The following PCDH7 variants were observed in gnomAD, a reference collection of about 807,000 sequenced individuals.
The protein encoded by PCDH7 is protocadherin 7.
Under a neutral mutation model 58.9 loss-of-function variants are expected in PCDH7, and 17 were observed. The observed-to-expected ratio is 0.29, with a 90% CI of 0.20 to 0.43. PCDH7 has a LOEUF of 0.43. PCDH7 is among the 20% of genes least tolerant of loss of function. PCDH7 has a pLI of 1.00. For synonymous variants in PCDH7, 664 were observed against 616.4 expected, an observed-to-expected ratio of 1.08 and a Z score of -1.14; for missense variants, 1,274 against 1,441.0, an observed-to-expected ratio of 0.88 and a Z score of 1.88.
At chr4:31,049,582 C>A (rs1280473810) in intron 3 of PCDH7, among the ~76,000 whole-genome samples, 1 of 152,028 alleles carries the variant, frequency 6.6e-6, no homozygotes, top group African/African-American at 2.4e-5. Flanking sequence ...ACACTTGACC[C>A]AAATTAGGTT....
chr4:30,764,805 C>T (rs553748586), intron 1 of PCDH7, among the ~76,000 whole-genome samples: 3 of 152,126 alleles, frequency 2.0e-5, no homozygotes, highest in Non-Finnish European at 4.4e-5. Flanking sequence ...ACTACAACCT[C>T]CCCCTCCCTG....
At chr4:30,766,462 A>G (rs1720763268) in intron 1 of PCDH7, among the ~76,000 whole-genome samples, 2 of 152,132 alleles carry the variant, frequency 1.3e-5, no homozygotes, top group Non-Finnish European at 2.9e-5. Flanking sequence ...GATTTGATCT[A>G]ACAAGACTTG....
At chr4:30,802,549 G>A (rs1725663154) in intron 1 of PCDH7, among the ~76,000 whole-genome samples, 1 of 151,970 alleles carries the variant, frequency 6.6e-6, no homozygotes, top group South Asian at 2.1e-4. Context: ...AAGTCAGATG[G>A]ACAAAAGAAT....
rs1385515326 is a variant in PCDH7, at chr4:30,817,166, T to C, written c.70+92570T>C. ...AAAATGGCACCTGGACTTAGAAACC[T>C]GATTTAAATAGATGCAAGATATTTA... On this transcript the variant is annotated intron_variant, in intron 1 of 3. Transcript: ENST00000509759. 3.3e-5 allele frequency among the ~76,000 whole-genome samples: 5 copies of C among 152,306 alleles called. No homozygotes were observed. The South Asian group carries it at 8.3e-4, about 25-fold the overall frequency.
At chr4:30,982,348 T>G (rs961025505) in intron 3 of PCDH7, among the ~76,000 whole-genome samples, 2 of 152,180 alleles carry the variant, frequency 1.3e-5, no homozygotes, top group Non-Finnish European at 2.9e-5. Flanking sequence ...ACAAGCATTT[T>G]CAGCCAGTTC....
downstream of PCDH7, chr4:31,143,598 A>G (rs1330192686): frequency 6.6e-6 from 1 of 152,294 alleles, no homozygotes; most frequent in African/African-American, 2.4e-5. Context: ...ACATGTATCA[A>G]TTTCACCAGT....
Position 30,722,451 on chromosome 4 carries a change from C to A in PCDH7, c.1029C>A (p.Ile343=), listed in dbSNP as rs748630195. 2.2e-5 allele frequency: 35 copies of A among 1,611,352 alleles called. No individual in the cohort carries two copies. Among genetic ancestry groups the A allele is most frequent in the Admixed American group, 3.3e-5 (2 of 59,834 alleles). ...TGGACGTGGGGGTCAACGGGCAGAT[C>A]GAATACGTGTTCGGGGCGGCCACCG... Residue 343 remains isoleucine (I), a synonymous_variant, in exon 1 of 2, where the codon ATC becomes ATA. Coordinates refer to ENST00000361762, the Ensembl canonical transcript of PCDH7. The surrounding 1 kb of genome is among the most constrained non-coding windows in gnomAD (Gnocchi z 7.6).
intron 3 of PCDH7, among the ~76,000 whole-genome samples, chr4:30,956,835 ATCCTTGGATG>A (rs1747904560): frequency 6.6e-6 from 1 of 152,198 alleles, no homozygotes; most frequent in African/African-American, 2.4e-5. Flanking sequence ...TTTCTTTTGC[ATCCTTGGATG>A]CACTACTTGT....
At chr4:31,002,967 A>G (rs1190899110) in intron 3 of PCDH7, among the ~76,000 whole-genome samples, 1 of 152,238 alleles carries the variant, frequency 6.6e-6, no homozygotes, top group Non-Finnish European at 1.5e-5. Flanking sequence ...TTTAGCTCTG[A>G]GTAGATGACT....
intron 1 of PCDH7, among the ~76,000 whole-genome samples, chr4:30,861,516 T>C (rs996469254): frequency 2.6e-5 from 4 of 152,202 alleles, no homozygotes; most frequent in African/African-American, 7.2e-5. Flanking sequence ...TGTGTATCCC[T>C]TATTTCAACA....
chr4:31,085,584 AGTTAG>A (rs60797322), intron 3 of PCDH7, among the ~76,000 whole-genome samples: 28,170 of 151,964 alleles, frequency 0.19, 3,310 homozygotes, highest in East Asian at 0.58. Context: ...GAGTCAGTTA[AGTTAG>A]ATCTCTTTCA....
At chr4:31,051,834 G>GC (rs66792126) in intron 3 of PCDH7, among the ~76,000 whole-genome samples, 1 of 119,448 alleles carries the variant, frequency 8.4e-6, no homozygotes, top group Admixed American at 7.9e-5. Context: ...GGGTGTGTGT[G>GC]GGGGGCGGGT....
intron 3 of PCDH7, among the ~76,000 whole-genome samples, chr4:31,016,505 C>T (rs1753613863): frequency 6.6e-6 from 1 of 150,888 alleles, no homozygotes; most frequent in Admixed American, 6.6e-5. Flanking sequence ...CATTGAGCAA[C>T]TCCAGGGGGC....
At chr4:30,793,578 C>T (rs917459869) in intron 1 of PCDH7, among the ~76,000 whole-genome samples, 6 of 151,820 alleles carry the variant, frequency 4.0e-5, no homozygotes, top group Non-Finnish European at 7.4e-5. Context: ...TTGTTGATGG[C>T]TGTGTCACAT....
At chr4:31,085,228 G>A (rs560263725) in intron 3 of PCDH7, among the ~76,000 whole-genome samples, 164 of 152,054 alleles carry the variant, frequency 1.1e-3, no homozygotes, top group African/African-American at 3.8e-3. Flanking sequence ...TTCTGGGTGG[G>A]GCCGCAAGAT....
intron 1 of PCDH7, among the ~76,000 whole-genome samples, chr4:30,760,985 G>T (rs1049765953): frequency 2.0e-5 from 3 of 152,172 alleles, no homozygotes; most frequent in Admixed American, 2.0e-4. Flanking sequence ...TGAGACGTCT[G>T]TAAATTCTCC....
chr4:30,944,847 GGTT>G (rs1281479719), intron 2 of PCDH7, among the ~76,000 whole-genome samples: 1 of 152,098 alleles, frequency 6.6e-6, no homozygotes, highest in African/African-American at 2.4e-5. Flanking sequence ...TATCCAGGTA[GGTT>G]ATTAGCTTTT....
chr4:30,804,975 C>T (rs1216874978), intron 1 of PCDH7, among the ~76,000 whole-genome samples: 4 of 152,162 alleles, frequency 2.6e-5, no homozygotes, highest in Non-Finnish European at 5.9e-5. Context: ...ACTGACGTGG[C>T]CCTTATTAAG....
chr4:31,143,509 T>C (rs1176779331), downstream of PCDH7: 1 of 152,216 alleles, frequency 6.6e-6, no homozygotes, highest in Non-Finnish European at 1.5e-5. Flanking sequence ...TTGTCATATG[T>C]TGTTATTTTC....
Sources: gnomAD v4.1 joint callset for allele counts (sites outside exome capture counted in the v4.1 genomes callset) on GRCh38, gnomAD v4.1.1 for gene constraint, Gnocchi (gnomAD v3.1) non-coding constraint, MANE v1.5 for transcripts, NCBI Gene and HGNC (gene_info 2026-07-23, HGNC 2026-07-21) for gene names.